Variants in HS6ST2 observed in about 807,000 individuals in gnomAD.
HS6ST2 encodes heparan-sulfate 6-O-sulfotransferase 2.
HS6ST2 carries 17 observed loss-of-function variants against 33.0 expected under a neutral mutation model. The observed-to-expected ratio is 0.52, with a 90% confidence interval of 0.35 to 0.77. The LOEUF is 0.77. Among genes scored for constraint, HS6ST2 ranks in the 30% least tolerant of loss-of-function variants. The pLI is 0.01. For synonymous variants in HS6ST2, 248 were observed against 237.1 expected, an observed-to-expected ratio of 1.05 and a Z score of -0.42; for missense variants, 519 against 551.7, an observed-to-expected ratio of 0.94 and a Z score of 0.59.
At chrX:132,953,791 C>T (rs1288990440) in intron 2 of HS6ST2, among the ~76,000 whole-genome samples, 3 of 112,462 alleles carry the variant, frequency 2.7e-5, no homozygotes, top group Non-Finnish European at 5.6e-5. Flanking sequence ...AAAAACTCAT[C>T]CAAACTCACA....
At chrX:132,926,686 G>A (rs1191470905) in intron 2 of HS6ST2, among the ~76,000 whole-genome samples, 1 of 112,158 alleles carries the variant, frequency 8.9e-6, no homozygotes, top group African/African-American at 3.2e-5. Context: ...ACTTTGGGAG[G>A]CCAAGGCGGG....
At chrX:132,844,839 G>A (rs1044127675) in intron 2 of HS6ST2, among the ~76,000 whole-genome samples, 1 of 110,747 alleles carries the variant, frequency 9.0e-6, no homozygotes, top group African/African-American at 3.3e-5. Flanking sequence ...CTATTCTCTC[G>A]ATTAAAGTCA....
chrX:132,851,602 C>T (rs985447059), intron 2 of HS6ST2, among the ~76,000 whole-genome samples: 4 of 112,066 alleles, frequency 3.6e-5, no homozygotes, highest in Non-Finnish European at 7.5e-5. Flanking sequence ...TAACCAGAGA[C>T]AATTTAAATA....
chrX:132,911,900 G>A (rs749789662), intron 2 of HS6ST2, among the ~76,000 whole-genome samples: 13 of 111,626 alleles, frequency 1.2e-4, no homozygotes, highest in Non-Finnish European at 2.1e-4. Context: ...GCCTCCCAAA[G>A]TGCTGGGATT....
chrX:132,632,700 TA>T (rs1190106442), intron 4 of HS6ST2, among the ~76,000 whole-genome samples: 1 of 108,032 alleles, frequency 9.3e-6, no homozygotes, highest in Non-Finnish European at 1.9e-5. Flanking sequence ...AGGGTATGAT[TA>T]AAAAAAAACA....
chrX:132,839,218 G>A (rs1000351441), intron 2 of HS6ST2, among the ~76,000 whole-genome samples: 10 of 99,293 alleles, frequency 1.0e-4, no homozygotes, highest in Non-Finnish European at 1.8e-4. Flanking sequence ...CAAAGACACG[G>A]AATCGATCTA....
Position 132,794,574 on chromosome X carries a change from G to GATTATTATT in HS6ST2, c.948-86089_948-86081dup, listed in dbSNP as rs1556445928. On this transcript the variant is annotated intron_variant, in intron 2 of 4. Transcript: ENST00000370833. ...ACTCCTGGATGATGATGATGATGATGATTATTATTATTATTATTATTATTA... is the reference window on the plus strand; with the variant it reads ...ACTCCTGGATGATGATGATGATGATGATTATTATTATTATTATTATTATTATTATTATTA... 2.0e-3 allele frequency among the ~76,000 whole-genome samples: 195 copies of GATTATTATT among 99,058 alleles called. 2 individuals are homozygous for GATTATTATT. Among genetic ancestry groups the GATTATTATT allele is most frequent in the South Asian group, 7.2e-3 (15 of 2,079 alleles). 86.0% of individuals were successfully genotyped at this position (99,058 alleles called of 115,157 possible). A position where few individuals can be genotyped will look rare whatever the true frequency, so the allele number is the denominator to read the frequency against.
chrX:132,674,850 C>T (rs2063911433), intron 3 of HS6ST2, among the ~76,000 whole-genome samples: 1 of 111,382 alleles, frequency 9.0e-6, no homozygotes, highest in African/African-American at 3.3e-5. Flanking sequence ...GATTGAGGAG[C>T]AGAAACCATA....
chrX:132,844,572 G>A (rs1427191281), intron 2 of HS6ST2, among the ~76,000 whole-genome samples: 1 of 110,735 alleles, frequency 9.0e-6, no homozygotes, highest in African/African-American at 3.3e-5. Context: ...GCTCTACCAG[G>A]GCAGCCATCA....
Position 132,667,832 on chromosome X carries a change from G to A in HS6ST2, c.1067+1281C>T, listed in dbSNP as rs1012398560. On this transcript the variant is annotated intron_variant, in intron 4 of 4. Transcript: ENST00000370833. Reference sequence around the variant, plus strand: ...TTAACTAAGAGTGCGTGTTAACAATGAATTGGGACTAATTTGAAAACATTC... The same window carrying A: ...TTAACTAAGAGTGCGTGTTAACAATAAATTGGGACTAATTTGAAAACATTC... The A allele has an allele frequency of 2.7e-5, 3 of 112,477 alleles. No homozygotes were observed. The East Asian group carries it at 8.4e-4, about 31-fold the overall frequency. The allele number at this position is 112,477 out of a possible 1,213,427, so 9.3% of individuals were successfully genotyped here.
At chrX:132,680,578 G>C (rs1370015127) in intron 3 of HS6ST2, among the ~76,000 whole-genome samples, 1 of 111,550 alleles carries the variant, frequency 9.0e-6, no homozygotes, top group Non-Finnish European at 1.9e-5. Context: ...AGCCTTGGAA[G>C]AAGATTAAGG....
At chrX:132,928,865 C>G (rs2148484848) in intron 2 of HS6ST2, among the ~76,000 whole-genome samples, 1 of 111,447 alleles carries the variant, frequency 9.0e-6, no homozygotes, top group African/African-American at 3.3e-5. Context: ...CAACTTCATA[C>G]AAATAAGCCA....
rs749127038 is a variant in HS6ST2 at position 132,910,920 on chromosome X, C to A, written c.947+45888G>T. ...ATCCCAACACTTTGGGAGGCCGAGGCGGGTGGTTCACTTGAGGTCAGGAGT... is the reference window on the plus strand; with the variant it reads ...ATCCCAACACTTTGGGAGGCCGAGGAGGGTGGTTCACTTGAGGTCAGGAGT... On this transcript the variant is annotated intron_variant, in intron 2 of 4. Transcript: ENST00000370833. Among the ~76,000 whole-genome samples, 29 of 111,177 alleles carry A rather than the reference C, an allele frequency of 2.6e-4. 1 individual carries two copies. Among genetic ancestry groups the A allele is most frequent in the Admixed American group, 2.6e-3 (27 of 10,509 alleles).
intron 1 of HS6ST2, among the ~76,000 whole-genome samples, chrX:132,957,921 C>T (rs1287406805): frequency 8.9e-6 from 1 of 112,075 alleles, no homozygotes; most frequent in Non-Finnish European, 1.9e-5. Context: ...TCAGAGTTAC[C>T]CTGGGGGAAT....
At position 132,642,731 on chromosome X, in the gene HS6ST2, A is replaced by T. The variant is rs1346461061; in HGVS notation, c.1068-13638T>A. Among the ~76,000 whole-genome samples the T allele has an allele frequency of 3.6e-5, 4 of 112,414 alleles. No individual in the cohort carries two copies. The Admixed American group carries it at 3.8e-4, about 11-fold the overall frequency. On this transcript the variant is annotated intron_variant, in intron 4 of 4. Coordinates refer to ENST00000370833, the MANE Select transcript of HS6ST2 (RefSeq NM_001394073.1). ...CCCCATCCCACCTCTCTAGCTAAGG[A>T]ATGTGATGTCACACTGGGGCAAGTA...
intron 2 of HS6ST2, among the ~76,000 whole-genome samples, chrX:132,816,717 T>C (rs1693349688): frequency 9.0e-6 from 1 of 111,466 alleles, no homozygotes; most frequent in Non-Finnish European, 1.9e-5. Context: ...GACCAAATGT[T>C]AAGTGACTGT....
At chrX:132,837,418 AATC>A (rs2065655228) in intron 2 of HS6ST2, among the ~76,000 whole-genome samples, 1 of 111,228 alleles carries the variant, frequency 9.0e-6, no homozygotes, top group Non-Finnish European at 1.9e-5. Context: ...TGGGAAGACT[AATC>A]ATAAATGGCC....
At position 132,909,485 on chromosome X, in the gene HS6ST2, C is replaced by T. The variant is rs1293993793; in HGVS notation, c.947+47323G>A. ...CTAAATGCAAAGAAGTAAGCAAACA[C>T]TGTGCCTTTATTAAGAGCTATTGAT... On this transcript the variant is annotated intron_variant, in intron 2 of 4. Coordinates refer to ENST00000370833, the MANE Select transcript of HS6ST2 (RefSeq NM_001394073.1). Among the ~76,000 whole-genome samples, 4 of 112,354 alleles carry T rather than the reference C, an allele frequency of 3.6e-5. No individual in the cohort carries two copies. The East Asian group carries it at 8.4e-4, about 24-fold the overall frequency.
intron 2 of HS6ST2, among the ~76,000 whole-genome samples, chrX:132,909,173 T>C (rs1209027764): frequency 9.0e-6 from 1 of 111,207 alleles, no homozygotes; most frequent in Non-Finnish European, 1.9e-5. Context: ...ATAAATGTGA[T>C]TTTCTGCCTG....
Sources: gnomAD v4.1 joint callset for allele counts (sites outside exome capture counted in the v4.1 genomes callset) on GRCh38, gnomAD v4.1.1 for gene constraint, MANE v1.5 for transcripts, NCBI Gene and HGNC (gene_info 2026-07-23, HGNC 2026-07-21) for gene names.